NCOA1: variants seen among roughly 807,000 people sequenced by gnomAD.
The protein encoded by NCOA1 is Hin-2 protein.
In NCOA1, 35 loss-of-function variants were observed where a neutral mutation model predicts 150.9. The observed-to-expected ratio is 0.23, with a 90% CI of 0.18 to 0.31. NCOA1 has a LOEUF of 0.31. Ranked by LOEUF, NCOA1 falls within the 10% of genes least tolerant of loss-of-function variation. NCOA1 has a pLI of 1.00. For missense variants in NCOA1, 1,491 were observed against 1,749.3 expected, an observed-to-expected ratio of 0.85 and a Z score of 2.63; for synonymous variants, 590 against 630.0, an observed-to-expected ratio of 0.94 and a Z score of 0.95.
chr2:24,673,310 T>C, intron 6 of NCOA1, 56 bp from the exon 7 acceptor site: 1 of 1,266,382 alleles, frequency 7.9e-7, no homozygotes. Flanking sequence ...TAAACTTGAC[T>C]TTATGGAAAT....
chr2:24,617,641 C>T (rs1668931686), intron 3 of NCOA1, among the ~76,000 whole-genome samples: 1 of 152,082 alleles, frequency 6.6e-6, no homozygotes, highest in African/African-American at 2.4e-5. Context: ...GTTAATCAGC[C>T]TCTCCCTCAG....
rs185561589 is a variant in NCOA1, at chr2:24,742,572, T to G, written c.3706+386T>G. Among the ~76,000 whole-genome samples, 26 of 151,972 alleles carry G rather than the reference T, an allele frequency of 1.7e-4. No individual in the cohort carries two copies. In the East Asian group the frequency reaches 5.0e-3, roughly 29 times the overall value. On this transcript the variant is annotated intron_variant, in intron 19 of 22. Coordinates refer to ENST00000348332, the MANE Select transcript of NCOA1 (RefSeq NM_003743.5). ...CCTGGGCTTAAGCGATTCTCCTGCC[T>G]CAGCCTCCCGAGTAGCTAGGATTAC...
intron 3 of NCOA1, among the ~76,000 whole-genome samples, chr2:24,614,892 G>C (rs1027535030): frequency 2.0e-5 from 3 of 152,140 alleles, no homozygotes; most frequent in Admixed American, 1.3e-4. Flanking sequence ...TATATGCTAG[G>C]CTCCATTCTA....
chr2:24,654,834 A>G (rs1340987609), intron 4 of NCOA1, among the ~76,000 whole-genome samples: 2 of 150,354 alleles, frequency 1.3e-5, no homozygotes, highest in African/African-American at 2.5e-5. Context: ...AGGTCCTTCT[A>G]CCTCCCCTTG....
At chr2:24,541,355 G>A (rs1305443182) in intron 1 of NCOA1, among the ~76,000 whole-genome samples, 1 of 152,176 alleles carries the variant, frequency 6.6e-6, no homozygotes, top group African/African-American at 2.4e-5. Context: ...GTGGTCAGCA[G>A]TGCCAGATTA....
intron 3 of NCOA1, among the ~76,000 whole-genome samples, chr2:24,632,229 A>G (rs1669739583): frequency 6.6e-6 from 1 of 152,238 alleles, no homozygotes; most frequent in Admixed American, 6.5e-5. Flanking sequence ...CAATCTCACT[A>G]AACTTGAGAA....
At chr2:24,510,759 T>C (rs1663903558) in intron 1 of NCOA1, among the ~76,000 whole-genome samples, 1 of 152,256 alleles carries the variant, frequency 6.6e-6, no homozygotes, top group Admixed American at 6.5e-5. Context: ...CTTTTTGTAC[T>C]CTGGGGACTT....
intron 5 of NCOA1, 146 bp downstream of exon 5, chr2:24,658,912 T>C (rs1299092539): frequency 4.4e-6 from 3 of 688,756 alleles, no homozygotes; most frequent in Admixed American, 2.5e-5. Flanking sequence ...TCCCCCAGGG[T>C]CTTTGCACAT....
At chr2:24,756,115 G>T (rs1161799148) in intron 20 of NCOA1, among the ~76,000 whole-genome samples, 1 of 151,064 alleles carries the variant, frequency 6.6e-6, no homozygotes, top group African/African-American at 2.4e-5. Context: ...TTAGCTGGGC[G>T]TGATGGCACA....
chr2:24,504,376 A>G (rs1043004711), intron 1 of NCOA1, among the ~76,000 whole-genome samples: 20 of 152,218 alleles, frequency 1.3e-4, no homozygotes, highest in Admixed American at 4.6e-4. Context: ...TTTTTCTTAT[A>G]GACTATTGGC....
intron 3 of NCOA1, among the ~76,000 whole-genome samples, chr2:24,592,578 A>ATTTTTTTTTTTTTTTTTTT (rs145333073): frequency 9.7e-6 from 1 of 103,492 alleles, no homozygotes. Context: ...TCCCCTCCTA[A>ATTTTTTTTTTTTTTTTTTT]TTTTTTTTTT....
At chr2:24,666,519 G>A (rs991851494) in intron 6 of NCOA1, among the ~76,000 whole-genome samples, 1 of 152,118 alleles carries the variant, frequency 6.6e-6, no homozygotes, top group East Asian at 1.9e-4. Context: ...CACAAGTTGT[G>A]GAGTTGGACC....
chr2:24,519,235 A>G (rs1664325181), intron 1 of NCOA1, among the ~76,000 whole-genome samples: 1 of 152,252 alleles, frequency 6.6e-6, no homozygotes, highest in Non-Finnish European at 1.5e-5. Flanking sequence ...ATAAAAAGGA[A>G]TGAAATACTG....
chr2:24,588,925 C>G (rs1002941336), intron 3 of NCOA1, among the ~76,000 whole-genome samples: 1 of 152,156 alleles, frequency 6.6e-6, no homozygotes, highest in Non-Finnish European at 1.5e-5. Flanking sequence ...CTTATCTCTT[C>G]CTTTTGATGA....
chr2:24,535,587 C>G (rs1014354712), intron 1 of NCOA1, among the ~76,000 whole-genome samples: 1 of 152,114 alleles, frequency 6.6e-6, no homozygotes, highest in Non-Finnish European at 1.5e-5. Flanking sequence ...GTGGCTGGTA[C>G]TGGTTGTTCC....
intron 4 of NCOA1, among the ~76,000 whole-genome samples, chr2:24,646,730 G>C (rs1370668442): frequency 2.7e-5 from 4 of 147,614 alleles, no homozygotes; most frequent in South Asian, 2.1e-4. Context: ...TAATGAAAAG[G>C]TTATCTTAAA....
intron 6 of NCOA1, among the ~76,000 whole-genome samples, chr2:24,672,086 C>A (rs1356474969): frequency 6.6e-6 from 1 of 151,460 alleles, no homozygotes; most frequent in Non-Finnish European, 1.5e-5. Flanking sequence ...TTTATGTAAA[C>A]CTTAAAACAT....
chr2:24,634,498 C>A (rs28627756), intron 3 of NCOA1, among the ~76,000 whole-genome samples: 2 of 152,136 alleles, frequency 1.3e-5, no homozygotes, highest in African/African-American at 4.8e-5. Context: ...TCATCTGATT[C>A]TTAAATGGGA....
intron 3 of NCOA1, among the ~76,000 whole-genome samples, chr2:24,616,509 G>A (rs951988527): frequency 1.3e-4 from 20 of 152,164 alleles, no homozygotes; most frequent in Non-Finnish European, 2.2e-4. Context: ...GAGTCTAGGG[G>A]AAGGAAGATG....
Sources: gnomAD v4.1 joint callset for allele counts (sites outside exome capture counted in the v4.1 genomes callset) on GRCh38, gnomAD v4.1.1 for gene constraint, MANE v1.5 for transcripts, NCBI Gene and HGNC (gene_info 2026-07-23, HGNC 2026-07-21) for gene names.